The following SLC35E3 variants were observed in gnomAD, a reference collection of about 807,000 sequenced individuals.
SLC35E3 encodes solute carrier family 35 member E3.
SLC35E3 carries 28 observed loss-of-function variants against 30.8 expected under a neutral mutation model. That is an observed-to-expected ratio of 0.91 (90% CI 0.67 to 1.25). The LOEUF (loss-of-function observed/expected upper bound fraction) is 1.25, where lower values mean the gene tolerates loss of function less well. SLC35E3 is among the 50% of genes most tolerant of loss of function. The pLI, the probability that SLC35E3 is intolerant of heterozygous loss-of-function variation, is 0.00. For synonymous variants in SLC35E3, 146 were observed against 149.2 expected (o/e 0.98, Z 0.16); for missense variants, 365 against 375.4 (o/e 0.97, Z 0.23).
intron 3 of SLC35E3, among the ~76,000 whole-genome samples, chr12:68,753,812 A>ACG (rs1878899022): frequency 6.7e-6 from 1 of 150,336 alleles, no homozygotes; most frequent in South Asian, 2.1e-4. Flanking sequence ...ATATCCATAC[A>ACG]CACACACACA....
At chr12:68,749,536 A>G (rs1191470567) in intron 2 of SLC35E3, among the ~76,000 whole-genome samples, 1 of 152,220 alleles carries the variant, frequency 6.6e-6, no homozygotes, top group African/African-American at 2.4e-5. Flanking sequence ...AAGCAGCTAC[A>G]GTCCAGCAGT....
Position 68,774,590 on chromosome 12 carries a change from A to AG in SLC35E3, c.*9700_*9701insG, listed in dbSNP as rs1879688487. On this transcript the variant is annotated 3_prime_UTR_variant, in exon 5 of 5. Transcript: ENST00000398004. Reference sequence around the variant, plus strand: ...GTGAAACTCCATCTCAAAAAAAAAAAAATTAGGTATATTGGTGTGCACCTG... The same window carrying AG: ...GTGAAACTCCATCTCAAAAAAAAAAAGAATTAGGTATATTGGTGTGCACCTG... The AG allele has an allele frequency of 6.6e-6, 1 of 151,702 alleles. No homozygotes were observed. The highest frequency in any genetic ancestry group is 2.1e-4 in the South Asian group (1 of 4,756). 9.4% of individuals were successfully genotyped at this position (151,702 alleles called of 1,614,324 possible). A position where few individuals can be genotyped will look rare whatever the true frequency, so the allele number is the denominator to read the frequency against.
rs1197623176 is a variant in SLC35E3 at position 68,769,549 on chromosome 12, C to T, written c.*4659C>T. ...TGGTGGATGCCTGTAATCCCAGCTACTTGGGAGGCTGAGGCTGGAGAATCC... is the reference window on the plus strand; with the variant it reads ...TGGTGGATGCCTGTAATCCCAGCTATTTGGGAGGCTGAGGCTGGAGAATCC... On this transcript the variant is annotated 3_prime_UTR_variant, in exon 5 of 5. Coordinates refer to ENST00000398004, the MANE Select transcript of SLC35E3 (RefSeq NM_018656.5). 2 of 152,018 alleles carry T rather than the reference C, an allele frequency of 1.3e-5. No homozygotes were observed. Among genetic ancestry groups the T allele is most frequent in the Non-Finnish European group, 2.9e-5 (2 of 68,046 alleles). The allele number at this position is 152,018 out of a possible 1,614,324, so 9.4% of individuals were successfully genotyped here.
intron 3 of SLC35E3, among the ~76,000 whole-genome samples, chr12:68,756,147 A>C (rs1336409655): frequency 6.6e-6 from 1 of 152,132 alleles, no homozygotes; most frequent in Non-Finnish European, 1.5e-5. Flanking sequence ...TGGACCATCT[A>C]TCAGATAATA....
At chr12:68,747,298 T>C (rs1592532166) in intron 1 of SLC35E3, among the ~76,000 whole-genome samples, 1 of 152,110 alleles carries the variant, frequency 6.6e-6, no homozygotes, top group East Asian at 1.9e-4. Flanking sequence ...AGACGGAATT[T>C]CACTCTTGTT....
chr12:68,774,727 G>A lies in SLC35E3; in HGVS notation c.*9837G>A, dbSNP rs1215980266. On this transcript the variant is annotated 3_prime_UTR_variant, in exon 5 of 5. Transcript: ENST00000398004. ...CACTATATGCTGGGCAACAGAGGGA[G>A]ACCCTGTCTCAAAAACAAACAAAAC... The A allele has an allele frequency of 2.2e-5, 3 of 136,572 alleles. No homozygotes were observed. Among genetic ancestry groups the A allele is most frequent in the Non-Finnish European group, 3.0e-5 (2 of 65,990 alleles). The allele number at this position is 136,572 out of a possible 1,614,324, so 8.5% of individuals were successfully genotyped here.
chr12:68,752,035 G>A lies in SLC35E3; in HGVS notation c.517G>A (p.Val173Ile). 2 of 1,585,068 alleles carry A rather than the reference G, an allele frequency of 1.3e-6. No individual in the cohort carries two copies. Among genetic ancestry groups the A allele is most frequent in the Admixed American group, 1.9e-5 (1 of 52,314 alleles). Reference sequence around the variant, plus strand: ...TGTTTTATCTCCTAATTTTCAGTGGGTAGGAGCCAAACAGCATGAATTACA... The same window carrying A: ...TGTTTTATCTCCTAATTTTCAGTGGATAGGAGCCAAACAGCATGAATTACA... ...VLVTSLYQVWVGAKQHELQVN... is the reference protein window; with the variant it reads ...VLVTSLYQVWIGAKQHELQVN... The change falls in exon 3 of 5, where the codon GTA becomes ATA. Residue 173 changes from valine (V) to isoleucine (I), a missense_variant. Physicochemically the swap from Val to Ile is conservative, Grantham distance 29 (BLOSUM62 3). Coordinates refer to ENST00000398004, the MANE Select transcript of SLC35E3 (RefSeq NM_018656.5).
rs138900760 is a variant in SLC35E3 at position 68,753,944 on chromosome 12, C to T, written c.672+1754C>T. ...TTGGCTCACTGCAAACTCCGCCTCC[C>T]GGGTTCAAGCGGTTCTCCTGCCTCA... On this transcript the variant is annotated intron_variant, in intron 3 of 4. Transcript: ENST00000398004. 3.2e-4 allele frequency among the ~76,000 whole-genome samples: 49 copies of T among 151,964 alleles called. 1 individual carries two copies. In the East Asian group the frequency reaches 5.5e-3, roughly 17 times the overall value.
chr12:68,766,667 C>G lies in SLC35E3; in HGVS notation c.*1777C>G, dbSNP rs963935447. 1.0e-5 allele frequency: 4 copies of G among 399,142 alleles called. No homozygotes were observed. The highest frequency in any genetic ancestry group is 1.5e-5 in the Non-Finnish European group (3 of 195,862). 24.7% of individuals were successfully genotyped at this position (399,142 alleles called of 1,614,324 possible). ...TGGCACAATCATGGCTCACTGCAGCCTCAGCCTCCTGGGCTCAAGCAATCC... is the reference window on the plus strand; with the variant it reads ...TGGCACAATCATGGCTCACTGCAGCGTCAGCCTCCTGGGCTCAAGCAATCC... On this transcript the variant is annotated 3_prime_UTR_variant, in exon 5 of 5. Transcript: ENST00000398004.
chr12:68,761,745 G>A (rs1429593113), intron 4 of SLC35E3, among the ~76,000 whole-genome samples: 1 of 152,182 alleles, frequency 6.6e-6, no homozygotes, highest in African/African-American at 2.4e-5. Flanking sequence ...GATAGCAGTG[G>A]ATATAGTAAG....
chr12:68,768,992 A>C lies in SLC35E3; in HGVS notation c.*4102A>C, dbSNP rs938393088. On this transcript the variant is annotated 3_prime_UTR_variant, in exon 5 of 5. Transcript: ENST00000398004. ...TATGGTGGCTCACGCCTGTAATCCC[A>C]GCACTTTGGGAAGCTGAGGTGGGCA... The C allele has an allele frequency of 1.3e-5, 2 of 152,268 alleles. No individual in the cohort carries two copies. The highest frequency in any genetic ancestry group is 4.8e-5 in the African/African-American group (2 of 41,470). 9.4% of individuals were successfully genotyped at this position (152,268 alleles called of 1,614,324 possible).
In SLC35E3 at chr12:68,776,252, T is replaced by G. The variant is rs1303313629; in HGVS notation, c.*11362T>G. 1.8e-4 allele frequency: 23 copies of G among 126,154 alleles called. No individual in the cohort carries two copies. Among genetic ancestry groups the G allele is most frequent in the African/African-American group, 7.5e-4 (23 of 30,704 alleles). The allele number at this position is 126,154 out of a possible 1,614,324, so 7.8% of individuals were successfully genotyped here. A position where few individuals can be genotyped will look rare whatever the true frequency, so the allele number is the denominator to read the frequency against. ...GGCCAGGCATGATGACTCACGCCTG[T>G]AATCCCAGCGATTTGGGAGGCCGAG... On this transcript the variant is annotated 3_prime_UTR_variant, in exon 5 of 5. Coordinates refer to ENST00000398004, the MANE Select transcript of SLC35E3 (RefSeq NM_018656.5).
intron 3 of SLC35E3, among the ~76,000 whole-genome samples, chr12:68,754,075 G>C (rs1878913136): frequency 6.6e-6 from 1 of 152,058 alleles, no homozygotes; most frequent in Non-Finnish European, 1.5e-5. Flanking sequence ...TCAATCTCTT[G>C]ACCTCGTGAC....
rs901378837 is a variant in SLC35E3, at chr12:68,769,676, AGAAAG to A, written c.*4789_*4793del. Reference sequence around the variant, plus strand: ...CTGTCTCAAATAAATAAATAATAAAAGAAAGGAGACCGGATTTATTAGATGTGGTC... The same window carrying A: ...CTGTCTCAAATAAATAAATAATAAAAGAGACCGGATTTATTAGATGTGGTC... On this transcript the variant is annotated 3_prime_UTR_variant, in exon 5 of 5. Transcript: ENST00000398004. The A allele has an allele frequency of 3.3e-5, 5 of 151,902 alleles. No individual in the cohort carries two copies. Among genetic ancestry groups the A allele is most frequent in the African/African-American group, 1.2e-4 (5 of 41,426 alleles). The allele number at this position is 151,902 out of a possible 1,614,324, so 9.4% of individuals were successfully genotyped here.
At chr12:68,752,589 G>A (rs1005667196) in intron 3 of SLC35E3, among the ~76,000 whole-genome samples, 2 of 152,142 alleles carry the variant, frequency 1.3e-5, no homozygotes, top group African/African-American at 4.8e-5. Context: ...AAAGTGAAGG[G>A]GCCAGGCACA....
intron 2 of SLC35E3, among the ~76,000 whole-genome samples, chr12:68,750,109 G>A (rs754587479): frequency 6.6e-6 from 1 of 152,148 alleles, no homozygotes; most frequent in Non-Finnish European, 1.5e-5. Context: ...CACTCCAGGG[G>A]CGTTTTGGGG....
At chr12:68,759,322 CACTA>C (rs1429738125) in intron 4 of SLC35E3, 83 bp downstream of exon 4, 3 of 971,630 alleles carry the variant, frequency 3.1e-6, no homozygotes, top group Non-Finnish European at 4.9e-6. Context: ...TTGAATCTCA[CACTA>C]ACTATTGCAT....
At chr12:68,753,111 CAA>C (rs34737156) in intron 3 of SLC35E3, among the ~76,000 whole-genome samples, 51 of 122,316 alleles carry the variant, frequency 4.2e-4, no homozygotes, top group Admixed American at 3.4e-4. Flanking sequence ...ACACCTGTCT[CAA>C]AAAAAAAAAA....
chr12:68,778,428 A>G lies in SLC35E3; in HGVS notation c.*13538A>G, dbSNP rs1592552831. ...CAAGTACCTGAGGAATGTTTATAAC[A>G]GTAAAGATGAACAGAGATCATATTA... On this transcript the variant is annotated 3_prime_UTR_variant, in exon 5 of 5. Coordinates refer to ENST00000398004, the MANE Select transcript of SLC35E3 (RefSeq NM_018656.5). The G allele has an allele frequency of 6.6e-6, 1 of 152,348 alleles. No homozygotes were observed. Among genetic ancestry groups the G allele is most frequent in the Admixed American group, 6.5e-5 (1 of 15,296 alleles). 9.4% of individuals were successfully genotyped at this position (152,348 alleles called of 1,614,324 possible).
Sources: allele counts gnomAD v4.1 joint callset (sites outside exome capture counted in the v4.1 genomes callset), GRCh38; gene constraint gnomAD v4.1.1; transcripts MANE v1.5; gene names NCBI Gene and HGNC (gene_info 2026-07-23, HGNC 2026-07-21).